TFB2M: variants seen among roughly 807,000 people sequenced by gnomAD.
TFB2M encodes transcription factor B2, mitochondrial.
In TFB2M, 44 loss-of-function variants were observed where a neutral mutation model predicts 41.3. The observed-to-expected ratio is 1.07, with a 90% confidence interval of 0.84 to 1.37. TFB2M has a LOEUF of 1.37. TFB2M is among the 40% of genes most tolerant of loss of function. The pLI is 0.00. For missense variants in TFB2M, 496 were observed against 490.2 expected, an observed-to-expected ratio of 1.01 and a Z score of -0.11; for synonymous variants, 188 against 176.8, an observed-to-expected ratio of 1.06 and a Z score of -0.50.
chr1:246,552,620 G>A (rs1262767316), intron 4 of TFB2M, among the ~76,000 whole-genome samples: 8 of 151,306 alleles, frequency 5.3e-5, no homozygotes, highest in Non-Finnish European at 3.0e-5. Flanking sequence ...TGTCACTTGA[G>A]CCCAGGAGTT....
intron 4 of TFB2M, among the ~76,000 whole-genome samples, chr1:246,553,455 A>T (rs1168541161): frequency 1.3e-5 from 2 of 152,174 alleles, no homozygotes; most frequent in African/African-American, 4.8e-5. Flanking sequence ...GGATCACTTG[A>T]ACCCAGAAGT....
chr1:246,552,855 C>T (rs964130857), intron 4 of TFB2M, among the ~76,000 whole-genome samples: 1 of 152,068 alleles, frequency 6.6e-6, no homozygotes, highest in African/African-American at 2.4e-5. Flanking sequence ...AGGAGGATCA[C>T]TTAAGCCCAG....
At chr1:246,541,653 T>C (rs1029399500) in intron 7 of TFB2M, among the ~76,000 whole-genome samples, 1 of 152,236 alleles carries the variant, frequency 6.6e-6, no homozygotes, top group Non-Finnish European at 1.5e-5. Flanking sequence ...GGCTTTCACA[T>C]ACTCTAATCA....
intron 6 of TFB2M, among the ~76,000 whole-genome samples, chr1:246,544,929 C>T (rs1264117032): frequency 6.6e-6 from 1 of 152,114 alleles, no homozygotes; most frequent in East Asian, 1.9e-4. Context: ...CCTCAGCCTC[C>T]CGAGTAGCTG....
intron 2 of TFB2M, among the ~76,000 whole-genome samples, chr1:246,562,711 G>C (rs1659486424): frequency 2.0e-5 from 3 of 151,984 alleles, no homozygotes; most frequent in Admixed American, 2.0e-4. Context: ...CCAGGCTGCA[G>C]TGCAGTGGTG....
At chr1:246,553,895 C>A (rs774187699) in intron 4 of TFB2M, among the ~76,000 whole-genome samples, 2 of 152,128 alleles carry the variant, frequency 1.3e-5, no homozygotes, top group Non-Finnish European at 2.9e-5. Flanking sequence ...ATAGCCTAAA[C>A]AATCATTAAA....
chr1:246,547,401 T>C (rs552139117), intron 6 of TFB2M, among the ~76,000 whole-genome samples: 3 of 152,250 alleles, frequency 2.0e-5, no homozygotes, highest in Non-Finnish European at 4.4e-5. Context: ...AAGTCCCCAA[T>C]AGTATCCAAA....
chr1:246,541,102 A>G lies in TFB2M; in HGVS notation c.1120T>C (p.Phe374Leu), dbSNP rs1572081399. 6.2e-7 allele frequency: 1 copy of G among 1,614,178 alleles called. No homozygotes were observed. Among genetic ancestry groups the G allele is most frequent in the Non-Finnish European group, 8.5e-7 (1 of 1,180,022 alleles). Residue 374 changes from phenylalanine (F) to leucine (L), a missense_variant, in exon 8 of 8, where the codon TTT becomes CTT. Transcript: ENST00000366514. ...TCTTTGGAACGCTCTATAGTTTCAA[A>G]AAGTGTTTTGAAGTCTTGAGGGTGC... is the stretch of plus-strand genomic sequence containing the variant. ...NMHPQDFKTL[F>L]ETIERSKDCA...
chr1:246,557,774 G>A (rs1659363929), intron 2 of TFB2M, among the ~76,000 whole-genome samples: 1 of 152,080 alleles, frequency 6.6e-6, no homozygotes, highest in Non-Finnish European at 1.5e-5. Context: ...CTGGGTTCAA[G>A]TGATCCTGTG....
chr1:246,560,037 T>G (rs1366911938), intron 2 of TFB2M, among the ~76,000 whole-genome samples: 1 of 152,124 alleles, frequency 6.6e-6, no homozygotes, highest in Non-Finnish European at 1.5e-5. Flanking sequence ...CGGCTTTGAA[T>G]GTGGCCCAAC....
At chr1:246,559,575 T>C (rs1659405416) in intron 2 of TFB2M, among the ~76,000 whole-genome samples, 1 of 152,070 alleles carries the variant, frequency 6.6e-6, no homozygotes, top group African/African-American at 2.4e-5. Flanking sequence ...ACAAATCTAG[T>C]ACATTTTAAC....
intron 1 of TFB2M, 41 bp downstream of exon 1, chr1:246,565,785 A>C: frequency 6.3e-7 from 1 of 1,577,328 alleles, no homozygotes; most frequent in East Asian, 2.3e-5. Flanking sequence ...CGTTTGAATA[A>C]ATGATGAACA....
chr1:246,560,974 G>A (rs575689644), intron 2 of TFB2M, among the ~76,000 whole-genome samples: 5 of 152,210 alleles, frequency 3.3e-5, no homozygotes, highest in East Asian at 1.9e-4. Flanking sequence ...TTCGTCGGTC[G>A]TGGTGGCGGT....
At chr1:246,548,502 G>T in intron 6 of TFB2M, 43 bp downstream of exon 6, 5 of 1,523,882 alleles carry the variant, frequency 3.3e-6, no homozygotes, top group Non-Finnish European at 3.6e-6. Context: ...TAAAAAATAC[G>T]TCACGTAGGG....
At chr1:246,546,336 G>A (rs1379880689) in intron 6 of TFB2M, among the ~76,000 whole-genome samples, 2 of 48,254 alleles carry the variant, frequency 4.1e-5, no homozygotes, top group African/African-American at 9.5e-5. Flanking sequence ...AAAATAGGCT[G>A]GGCGTGGCGG....
At chr1:246,546,982 CAT>C (rs1659038489) in intron 6 of TFB2M, among the ~76,000 whole-genome samples, 1 of 94,256 alleles carries the variant, frequency 1.1e-5, no homozygotes. Flanking sequence ...CACACACACA[CAT>C]TTTTTTTTTT....
chr1:246,546,682 T>C (rs1572084937), intron 6 of TFB2M, among the ~76,000 whole-genome samples: 1 of 149,186 alleles, frequency 6.7e-6, no homozygotes, highest in African/African-American at 2.5e-5. Flanking sequence ...TTAACATATA[T>C]TGAGTCCTTG....
At chr1:246,564,558 T>C (rs72762774) in intron 1 of TFB2M, 124 bp from the exon 2 acceptor site, 9,633 of 743,584 alleles carry the variant, frequency 0.013, 103 homozygotes, top group Non-Finnish European at 0.017. Flanking sequence ...ATCCGCAAAG[T>C]AGATGTCACT....
At chr1:246,542,401 G>A (rs761473350) in intron 7 of TFB2M, among the ~76,000 whole-genome samples, 18 of 151,942 alleles carry the variant, frequency 1.2e-4, no homozygotes, top group African/African-American at 1.9e-4. Context: ...GGCTGGGTGC[G>A]GTGGCTCCTA....
Sources: allele counts gnomAD v4.1 joint callset (sites outside exome capture counted in the v4.1 genomes callset), GRCh38; gene constraint gnomAD v4.1.1; transcripts MANE v1.5; gene names NCBI Gene and HGNC (gene_info 2026-07-23, HGNC 2026-07-21).